PIEZO2: variants seen among roughly 807,000 people sequenced by gnomAD.
PIEZO2 encodes piezo-type mechanosensitive ion channel component 2.
A neutral mutation model predicts 337.3 loss-of-function variants in PIEZO2; 172 were observed. That is an observed-to-expected ratio of 0.51 (90% CI 0.45 to 0.58). PIEZO2 has a LOEUF of 0.58. PIEZO2 is among the 20% of genes least tolerant of loss of function. PIEZO2 has a pLI of 0.00. For missense variants in PIEZO2, 3,028 were observed against 3,391.3 expected, an observed-to-expected ratio of 0.89 and a Z score of 2.66; for synonymous variants, 1,251 against 1,228.5, an observed-to-expected ratio of 1.02 and a Z score of -0.38.
rs2038771805 is a variant in PIEZO2, at chr18:10,775,967, G to C, written c.2535-1929C>G. Among the ~76,000 whole-genome samples the C allele has an allele frequency of 6.6e-6, 1 of 152,056 alleles. No individual in the cohort carries two copies. Among genetic ancestry groups the C allele is most frequent in the African/African-American group, 2.4e-5 (1 of 41,396 alleles). The stretch of plus-strand genomic sequence containing the variant: ...TCAGGCTGTCATTTACTAGTCTAGG[G>C]GTTTATTAACTATCTTGAGAAATTT... On this transcript the variant is annotated intron_variant, in intron 18 of 55. Coordinates refer to ENST00000674853, the MANE Select transcript of PIEZO2 (RefSeq NM_001378183.1). This position sits in a 1 kb window ranked among gnomAD's most constrained non-coding sequence, Gnocchi z 4.3.
chr18:10,809,331 C>T (rs776758661), intron 7 of PIEZO2, among the ~76,000 whole-genome samples: 43 of 124,516 alleles, frequency 3.5e-4, no homozygotes, highest in Non-Finnish European at 5.5e-4. Context: ...AGTACAGTGG[C>T]GCAATCTCGG....
chr18:10,871,197 T>C (rs2042130894), intron 5 of PIEZO2, 56 bp downstream of exon 5: 5 of 1,469,132 alleles, frequency 3.4e-6, no homozygotes, highest in Non-Finnish European at 3.6e-6. Context: ...CTGCAACTTA[T>C]TAAGGGTCAA....
chr18:10,926,774 G>A (rs2031765803), intron 3 of PIEZO2, among the ~76,000 whole-genome samples: 1 of 152,156 alleles, frequency 6.6e-6, no homozygotes. Context: ...ACTCTGAGAT[G>A]TTCTTGCTGG....
chr18:10,765,071 C>T (rs1433348535), intron 21 of PIEZO2, among the ~76,000 whole-genome samples: 1 of 152,182 alleles, frequency 6.6e-6, no homozygotes, highest in African/African-American at 2.4e-5. Flanking sequence ...AAGGTGGTAA[C>T]TTTCATTAAG....
chr18:11,076,258 T>A (rs2038540967), intron 1 of PIEZO2, among the ~76,000 whole-genome samples: 1 of 152,230 alleles, frequency 6.6e-6, no homozygotes, highest in East Asian at 1.9e-4. Context: ...AGAAACATTG[T>A]ATTCTACATT....
At position 11,149,541 on chromosome 18, in the gene PIEZO2, C is replaced by G. The variant is rs2040901246; in HGVS notation, c.-953G>C. On this transcript the variant is annotated 5_prime_UTR_variant, in exon 1 of 56. Coordinates refer to ENST00000674853, the MANE Select transcript of PIEZO2 (RefSeq NM_001378183.1). This position sits in a 1 kb window ranked among gnomAD's most constrained non-coding sequence, Gnocchi z 8.7. The stretch of plus-strand genomic sequence containing the variant: ...GCCCTCGCGGCGCAGCCGGGGCTCC[C>G]CGGCGGCGCGCGCTTCTCCACCTTC... Among the ~76,000 whole-genome samples, 1 of 151,880 alleles carries G rather than the reference C, an allele frequency of 6.6e-6. No homozygotes were observed. The highest frequency in any genetic ancestry group is 6.5e-5 in the Admixed American group (1 of 15,268).
chr18:11,138,563 C>T lies in PIEZO2; in HGVS notation c.64+9962G>A, dbSNP rs181203162. Among the ~76,000 whole-genome samples the T allele has an allele frequency of 1.4e-3, 209 of 152,112 alleles. 1 individual carries two copies. Among genetic ancestry groups the T allele is most frequent in the South Asian group, 4.4e-3 (21 of 4,798 alleles). ...ACCTTCCTCAGCCTCCCAAAGTGCT[C>T]GGATTACAGGCGTGAGCCACCACAC... is the stretch of plus-strand genomic sequence containing the variant. On this transcript the variant is annotated intron_variant, in intron 1 of 55. Coordinates refer to ENST00000674853, the MANE Select transcript of PIEZO2 (RefSeq NM_001378183.1).
rs1443408617 is a variant in PIEZO2 at position 11,132,330 on chromosome 18, A to G, written c.64+16195T>C. ...GTGGCAGCAGGCTCATGCTCATGGA[A>G]TCCAATGTGCTCTTACTATATTCCC... On this transcript the variant is annotated intron_variant, in intron 1 of 55. Transcript: ENST00000674853. This position sits in a 1 kb window ranked among gnomAD's most constrained non-coding sequence, Gnocchi z 4.7. Among the ~76,000 whole-genome samples the G allele has an allele frequency of 6.6e-6, 1 of 152,148 alleles. No homozygotes were observed. Among genetic ancestry groups the G allele is most frequent in the African/African-American group, 2.4e-5 (1 of 41,436 alleles).
At chr18:10,892,470 G>T (rs759312100) in intron 4 of PIEZO2, among the ~76,000 whole-genome samples, 1 of 152,178 alleles carries the variant, frequency 6.6e-6, no homozygotes, top group Non-Finnish European at 1.5e-5. Context: ...GCCACGGGCT[G>T]GGGGAAGAGG....
In PIEZO2 at chr18:10,943,756, C is replaced by T. The variant is rs1365594289; in HGVS notation, c.287-32528G>A. Among the ~76,000 whole-genome samples, 1 of 152,056 alleles carries T rather than the reference C, an allele frequency of 6.6e-6. No homozygotes were observed. Among genetic ancestry groups the T allele is most frequent in the African/African-American group, 2.4e-5 (1 of 41,410 alleles). ...TATGAGATTTGGGAGGGGCCAGGGG[C>T]AGAATGACATGGTTTAGTTCTGTGT... On this transcript the variant is annotated intron_variant, in intron 3 of 55. Coordinates refer to ENST00000674853, the MANE Select transcript of PIEZO2 (RefSeq NM_001378183.1). The surrounding 1 kb of genome is among the most constrained non-coding windows in gnomAD (Gnocchi z 4.5).
intron 27 of PIEZO2, among the ~76,000 whole-genome samples, chr18:10,753,437 G>A (rs1486748528): frequency 6.6e-6 from 1 of 152,150 alleles, no homozygotes; most frequent in African/African-American, 2.4e-5. Flanking sequence ...CCCTTTTGGG[G>A]GCCACCCATC....
rs1221711574 is a variant in PIEZO2 at position 10,979,266 on chromosome 18, G to A, written c.286+269C>T. Reference sequence around the variant, plus strand: ...CTGTAACTCTTGAATTTTAGGTTAAGCTCAATGAAAATGTCTTACATGCAG... The same window carrying A: ...CTGTAACTCTTGAATTTTAGGTTAAACTCAATGAAAATGTCTTACATGCAG... On this transcript the variant is annotated intron_variant, in intron 3 of 55. Coordinates refer to ENST00000674853, the MANE Select transcript of PIEZO2 (RefSeq NM_001378183.1). The surrounding 1 kb of genome is among the most constrained non-coding windows in gnomAD (Gnocchi z 4.0). Among the ~76,000 whole-genome samples the A allele has an allele frequency of 6.6e-6, 1 of 150,882 alleles. No individual in the cohort carries two copies. The highest frequency in any genetic ancestry group is 6.6e-5 in the Admixed American group (1 of 15,156).
rs56271617 is a variant in PIEZO2, at chr18:10,880,846, C to CATATAT, written c.330-9437_330-9432dup. On this transcript the variant is annotated intron_variant, in intron 4 of 55. Coordinates refer to ENST00000674853, the MANE Select transcript of PIEZO2 (RefSeq NM_001378183.1). ...TCCATTTCAACTGCTTCCCACATAT[C>CATATAT]ATATATATATATATATATATATATA... Among the ~76,000 whole-genome samples, 91 of 68,016 alleles carry CATATAT rather than the reference C, an allele frequency of 1.3e-3. 1 individual carries two copies. Among genetic ancestry groups the CATATAT allele is most frequent in the East Asian group, 1.8e-3 (4 of 2,276 alleles). The allele number at this position is 68,016 out of a possible 152,430, so 44.6% of individuals were successfully genotyped here.
intron 4 of PIEZO2, among the ~76,000 whole-genome samples, chr18:10,887,134 A>C (rs948688272): frequency 2.9e-5 from 4 of 136,846 alleles, no homozygotes; most frequent in African/African-American, 1.1e-4. Flanking sequence ...CAGTGGTGGA[A>C]TCTCGGCTCA....
intron 36 of PIEZO2, among the ~76,000 whole-genome samples, chr18:10,722,524 C>T (rs1024206761): frequency 1.3e-5 from 2 of 152,006 alleles, no homozygotes; most frequent in Non-Finnish European, 2.9e-5. Flanking sequence ...CCACCGTGCC[C>T]AGCCAAGAGA....
intron 23 of PIEZO2, 145 bp downstream of exon 23, chr18:10,762,355 T>TA: frequency 4.9e-6 from 5 of 1,015,704 alleles, no homozygotes; most frequent in Non-Finnish European, 7.0e-6. Context: ...TTTTAACACT[T>TA]AGAGTTTGTT....
At chr18:11,100,292 T>C (rs2039374829) in intron 1 of PIEZO2, among the ~76,000 whole-genome samples, 1 of 152,236 alleles carries the variant, frequency 6.6e-6, no homozygotes, top group Admixed American at 6.5e-5. Flanking sequence ...GCTAAAATAA[T>C]TGATGTTTCA....
chr18:10,929,624 C>T lies in PIEZO2; in HGVS notation c.287-18396G>A, dbSNP rs148222042. Reference sequence around the variant, plus strand: ...GAGGAAAATGCCTCTACCAACCTCTCGGGTCTCAGGACAGATCCCGCTATC... The same window carrying T: ...GAGGAAAATGCCTCTACCAACCTCTTGGGTCTCAGGACAGATCCCGCTATC... On this transcript the variant is annotated intron_variant, in intron 3 of 55. Coordinates refer to ENST00000674853, the MANE Select transcript of PIEZO2 (RefSeq NM_001378183.1). This position sits in a 1 kb window ranked among gnomAD's most constrained non-coding sequence, Gnocchi z 5.6. 6.8e-4 allele frequency among the ~76,000 whole-genome samples: 104 copies of T among 152,268 alleles called. No homozygotes were observed. The highest frequency in any genetic ancestry group is 2.3e-3 in the African/African-American group (96 of 41,542).
chr18:11,001,321 A>C lies in PIEZO2; in HGVS notation c.161-21661T>G, dbSNP rs949095556. Among the ~76,000 whole-genome samples the C allele has an allele frequency of 6.6e-6, 1 of 152,132 alleles. No homozygotes were observed. The highest frequency in any genetic ancestry group is 1.5e-5 in the Non-Finnish European group (1 of 68,026). On this transcript the variant is annotated intron_variant, in intron 2 of 55. Coordinates refer to ENST00000674853, the MANE Select transcript of PIEZO2 (RefSeq NM_001378183.1). This position sits in a 1 kb window ranked among gnomAD's most constrained non-coding sequence, Gnocchi z 5.3. ...TCAGCAGCTAGTAGAGAAGGCCAAA[A>C]GTCAGCACATCTTGCTAGGCATGCA...
Sources: allele counts gnomAD v4.1 joint callset (sites outside exome capture counted in the v4.1 genomes callset), GRCh38; gene constraint gnomAD v4.1.1; non-coding constraint Gnocchi (gnomAD v3.1); transcripts MANE v1.5; gene names NCBI Gene and HGNC (gene_info 2026-07-23, HGNC 2026-07-21).